ASXL3: variants seen among roughly 807,000 people sequenced by gnomAD.
The protein encoded by ASXL3 is ASXL transcriptional regulator 3.
Under a neutral mutation model 170.6 loss-of-function variants are expected in ASXL3, and 34 were observed. The observed-to-expected ratio is 0.20, with a 90% CI of 0.15 to 0.27. ASXL3 has a LOEUF of 0.27. ASXL3 is among the 10% of genes least tolerant of loss of function. The pLI is 1.00. For missense variants in ASXL3, 2,592 were observed against 2,695.3 expected, an observed-to-expected ratio of 0.96 and a Z score of 0.85; for synonymous variants, 1,002 against 989.1, an observed-to-expected ratio of 1.01 and a Z score of -0.24.
intron 5 of ASXL3, among the ~76,000 whole-genome samples, chr18:33,669,120 G>A (rs1361126482): frequency 6.6e-6 from 1 of 152,034 alleles, no homozygotes; most frequent in African/African-American, 2.4e-5. Flanking sequence ...TGATTGATAG[G>A]TTAATTTCTA....
intron 2 of ASXL3, among the ~76,000 whole-genome samples, chr18:33,616,908 T>C (rs2065432129): frequency 6.6e-6 from 1 of 152,078 alleles, no homozygotes; most frequent in African/African-American, 2.4e-5. Flanking sequence ...ATCACTTCGC[T>C]AGAGGGCCCA....
intron 7 of ASXL3, among the ~76,000 whole-genome samples, chr18:33,676,008 A>G (rs1230887671): frequency 6.6e-6 from 1 of 151,868 alleles, no homozygotes; most frequent in African/African-American, 2.4e-5. Flanking sequence ...GCGGATCACG[A>G]GGTCAGGAGA....
At chr18:33,698,465 TG>T (rs2066812104) in intron 8 of ASXL3, among the ~76,000 whole-genome samples, 1 of 152,134 alleles carries the variant, frequency 6.6e-6, no homozygotes, top group African/African-American at 2.4e-5. Flanking sequence ...GAAATCTGTG[TG>T]GAAGCAGTGA....
At chr18:33,633,146 G>A (rs1168209293) in intron 2 of ASXL3, among the ~76,000 whole-genome samples, 3 of 151,972 alleles carry the variant, frequency 2.0e-5, no homozygotes, top group Admixed American at 6.6e-5. Context: ...GATACTATCC[G>A]TCATTAACTA....
chr18:33,648,819 A>G (rs1163025611), intron 4 of ASXL3, among the ~76,000 whole-genome samples: 1 of 152,130 alleles, frequency 6.6e-6, no homozygotes, highest in Non-Finnish European at 1.5e-5. Context: ...TGGAAACCAT[A>G]TGAAGAAAGT....
At chr18:33,613,509 G>A (rs1234625348) in intron 2 of ASXL3, among the ~76,000 whole-genome samples, 1 of 151,960 alleles carries the variant, frequency 6.6e-6, no homozygotes, top group Non-Finnish European at 1.5e-5. Flanking sequence ...TGCAAAAAAG[G>A]GAGTCACACA....
chr18:33,666,956 A>G (rs16964845), intron 5 of ASXL3, among the ~76,000 whole-genome samples: 3,347 of 152,252 alleles, frequency 0.022, 107 homozygotes, highest in African/African-American at 0.076. Flanking sequence ...CAGCTAGTCA[A>G]GCATGGGGAA....
At chr18:33,728,991 G>A (rs1372282806) in intron 8 of ASXL3, among the ~76,000 whole-genome samples, 3 of 152,142 alleles carry the variant, frequency 2.0e-5, no homozygotes. Context: ...GGGGAAACTT[G>A]GACCTGGAGG....
chr18:33,639,323 C>T (rs1295588628), intron 2 of ASXL3, among the ~76,000 whole-genome samples: 1 of 152,100 alleles, frequency 6.6e-6, no homozygotes, highest in Admixed American at 6.6e-5. Flanking sequence ...TAAATGGTCC[C>T]AACCTTGTTG....
chr18:33,585,391 G>A (rs2065026680), intron 1 of ASXL3, among the ~76,000 whole-genome samples: 1 of 152,058 alleles, frequency 6.6e-6, no homozygotes, highest in Non-Finnish European at 1.5e-5. Context: ...AACATTATAT[G>A]ATTAACCACG....
At chr18:33,666,044 A>G (rs889570695) in intron 5 of ASXL3, among the ~76,000 whole-genome samples, 3 of 152,156 alleles carry the variant, frequency 2.0e-5, no homozygotes, top group Non-Finnish European at 4.4e-5. Flanking sequence ...AACACCATCG[A>G]TATTGAAATT....
chr18:33,695,541 T>C (rs2032188), intron 8 of ASXL3, among the ~76,000 whole-genome samples: 66,130 of 151,992 alleles, frequency 0.44, 15,213 homozygotes, highest in East Asian at 0.84. Context: ...CTAACTGATA[T>C]TTAACGTCAA....
At chr18:33,589,348 A>G (rs970887477) in intron 1 of ASXL3, among the ~76,000 whole-genome samples, 2 of 152,186 alleles carry the variant, frequency 1.3e-5, no homozygotes, top group Non-Finnish European at 2.9e-5. Context: ...AAGTTCCTGC[A>G]ACAACTTTGT....
chr18:33,658,601 TA>T (rs2066119697), intron 4 of ASXL3, among the ~76,000 whole-genome samples: 1 of 152,152 alleles, frequency 6.6e-6, no homozygotes, highest in South Asian at 2.1e-4. Context: ...ATAAGTTATT[TA>T]ACCCAAAGGA....
chr18:33,583,079 A>G (rs2145088599), intron 1 of ASXL3, among the ~76,000 whole-genome samples: 1 of 152,302 alleles, frequency 6.6e-6, no homozygotes, highest in Non-Finnish European at 1.5e-5. Flanking sequence ...AATTTTTAAA[A>G]AGCAATTCAT....
intron 2 of ASXL3, among the ~76,000 whole-genome samples, chr18:33,641,626 C>T (rs1014267913): frequency 2.0e-5 from 3 of 152,030 alleles, no homozygotes; most frequent in Non-Finnish European, 4.4e-5. Flanking sequence ...CCCAGTGCCC[C>T]AGTTTTTTCT....
At chr18:33,654,610 A>G (rs1327897830) in intron 4 of ASXL3, among the ~76,000 whole-genome samples, 2 of 151,948 alleles carry the variant, frequency 1.3e-5, no homozygotes, top group East Asian at 3.9e-4. Context: ...TCTGTTTCTC[A>G]TTTTCTAGGC....
chr18:33,578,990 T>G (rs2064970347), intron 1 of ASXL3: 1 of 174,842 alleles, frequency 5.7e-6, no homozygotes, highest in African/African-American at 2.4e-5. Flanking sequence ...TTCCGAGCGC[T>G]CGGCGCAGCT....
At chr18:33,734,660 T>G (rs984802584) in intron 10 of ASXL3, among the ~76,000 whole-genome samples, 3 of 152,316 alleles carry the variant, frequency 2.0e-5, no homozygotes, top group Middle Eastern at 3.4e-3. Flanking sequence ...AAATAGCACA[T>G]GAAATCTTAA....
Sources: allele counts gnomAD v4.1 joint callset (sites outside exome capture counted in the v4.1 genomes callset), GRCh38; gene constraint gnomAD v4.1.1; transcripts MANE v1.5; gene names NCBI Gene and HGNC (gene_info 2026-07-23, HGNC 2026-07-21).